The following SH3BGR variants were observed in gnomAD, a reference collection of about 807,000 sequenced individuals.
SH3BGR encodes SH3 domain binding glutamate rich protein, also known as SH3 domain-binding glutamic acid-rich protein.
Under a neutral mutation model 24.5 loss-of-function variants are expected in SH3BGR, and 29 were observed. That is an observed-to-expected ratio of 1.18 (90% CI 0.88 to 1.61). The LOEUF is 1.61. Ranked by LOEUF, SH3BGR falls within the 40% of genes most tolerant of loss-of-function variation. The pLI is 0.00. For missense variants in SH3BGR, 162 were observed against 205.8 expected, an observed-to-expected ratio of 0.79 and a Z score of 1.30; for synonymous variants, 55 against 65.7, an observed-to-expected ratio of 0.84 and a Z score of 0.79.
rs143867801 is a variant in SH3BGR, at chr21:39,494,251, C to CT, written c.313-5561dup. ...TCTTCCTCTTCTTCTTCTTCTTCTT[C>CT]TTTTTTTTTTTAAGTAGGAGGTAAT... is the stretch of plus-strand genomic sequence containing the variant. On this transcript the variant is annotated intron_variant, in intron 3 of 6. Coordinates refer to ENST00000333634, the MANE Select transcript of SH3BGR (RefSeq NM_007341.3). Among the ~76,000 whole-genome samples the CT allele has an allele frequency of 7.9e-5, 11 of 138,510 alleles. No individual in the cohort carries two copies. In the East Asian group the frequency reaches 1.6e-3, roughly 21 times the overall value. 90.9% of individuals were successfully genotyped at this position (138,510 alleles called of 152,430 possible).
At position 39,454,518 on chromosome 21, in the gene SH3BGR, G is replaced by A. The variant is rs562271332; in HGVS notation, c.45+2377G>A. Among the ~76,000 whole-genome samples the A allele has an allele frequency of 1.1e-4, 16 of 152,278 alleles. 1 individual carries two copies. In the South Asian group the frequency reaches 2.9e-3, roughly 28 times the overall value. ...GACCCTGGGGAGCAGGAGAGGGCGC[G>A]TGACTTCTTCTAGGACCCTCCTCTC... On this transcript the variant is annotated intron_variant, in intron 1 of 6. Transcript: ENST00000333634.
At chr21:39,484,715 G>A (rs1404150446) in intron 3 of SH3BGR, among the ~76,000 whole-genome samples, 1 of 152,232 alleles carries the variant, frequency 6.6e-6, no homozygotes, top group African/African-American at 2.4e-5. Context: ...AGGAGCTTAA[G>A]TGACTTGTAC....
At chr21:39,460,144 G>A (rs2077731323) in intron 1 of SH3BGR, among the ~76,000 whole-genome samples, 1 of 152,182 alleles carries the variant, frequency 6.6e-6, no homozygotes, top group African/African-American at 2.4e-5. Flanking sequence ...GTTCCCTTAG[G>A]TGTGGCTGCA....
At position 39,511,580 on chromosome 21, in the gene SH3BGR, G is replaced by A; in HGVS notation, c.436-100G>A. On this transcript the variant is annotated intron_variant, in intron 5 of 6. Transcript: ENST00000333634. The surrounding 1 kb of genome is among the most constrained non-coding windows in gnomAD (Gnocchi z 4.2). ...GTTTGTGTGTTGTGTGGTGGGGTGT[G>A]GGAGGCTTTGACCTCTAGTCCAGCA... 8.9e-7 allele frequency: 1 copy of A among 1,118,124 alleles called. No individual in the cohort carries two copies. Among genetic ancestry groups the A allele is most frequent in the South Asian group, 1.5e-5 (1 of 67,030 alleles). 69.3% of individuals were successfully genotyped at this position (1,118,124 alleles called of 1,614,324 possible).
chr21:39,474,295 A>G (rs1458584230), intron 2 of SH3BGR, among the ~76,000 whole-genome samples: 1 of 152,088 alleles, frequency 6.6e-6, no homozygotes, highest in African/African-American at 2.4e-5. Context: ...ATACACTAAG[A>G]GTAGGGTAGG....
chr21:39,505,487 A>G (rs916813655), intron 4 of SH3BGR, among the ~76,000 whole-genome samples: 1 of 152,118 alleles, frequency 6.6e-6, no homozygotes, highest in Non-Finnish European at 1.5e-5. Context: ...TAGGAGCCAG[A>G]TGCGGTGTCT....
At chr21:39,448,117 T>A (rs1323751848), upstream of SH3BGR, among the ~76,000 whole-genome samples, 1 of 152,174 alleles carries the variant, frequency 6.6e-6, no homozygotes, top group African/African-American at 2.4e-5. Context: ...CCCTGTCTTG[T>A]CTTCTTATAA....
chr21:39,475,027 G>C, intron 2 of SH3BGR, 108 bp from the exon 3 acceptor site: 1 of 652,044 alleles, frequency 1.5e-6, no homozygotes. Context: ...ATGACTTTTT[G>C]TGTGAGCTCC....
chr21:39,486,217 A>G (rs920878843), intron 3 of SH3BGR, among the ~76,000 whole-genome samples: 4 of 152,212 alleles, frequency 2.6e-5, no homozygotes. Flanking sequence ...ATTGCTTATA[A>G]TTTTCAAAAG....
Position 39,462,554 on chromosome 21 carries a change from C to G in SH3BGR, c.225C>G (p.Tyr75Ter). 6.4e-7 allele frequency: 1 copy of G among 1,559,286 alleles called. No individual in the cohort carries two copies. Among genetic ancestry groups the G allele is most frequent in the African/African-American group, 1.4e-5 (1 of 71,794 alleles). The change falls in exon 2 of 7, where the codon TAC (tyrosine) becomes TAG (stop). Residue 75 changes from tyrosine to a stop codon, truncating the protein, a stop_gained. Transcript: ENST00000333634. LOFTEE classifies it high-confidence loss of function. ...LPPQIFNEEQ[Y>*]CGDFDSFFSA... Reference sequence around the variant, plus strand: ...CCCAGATCTTCAATGAGGAGCAGTACTGTGGGGTGAGTATGTGCTTCTATT... The same window carrying G: ...CCCAGATCTTCAATGAGGAGCAGTAGTGTGGGGTGAGTATGTGCTTCTATT...
At chr21:39,512,525 G>T (rs1044475221) in intron 6 of SH3BGR, among the ~76,000 whole-genome samples, 1 of 152,192 alleles carries the variant, frequency 6.6e-6, no homozygotes, top group African/African-American at 2.4e-5. Flanking sequence ...CATTTATTAA[G>T]TGTTAATAAG....
Position 39,502,506 on chromosome 21 carries a change from T to C in SH3BGR, c.405+2591T>C, listed in dbSNP as rs183648068. On this transcript the variant is annotated intron_variant, in intron 4 of 6. Transcript: ENST00000333634. ...AACACGCTGCGGTGGATATAAAGTT[T>C]AGAATATTCGTGGGCCCACATTTGG... is the stretch of plus-strand genomic sequence containing the variant. Among the ~76,000 whole-genome samples, 179 of 152,288 alleles carry C rather than the reference T, an allele frequency of 1.2e-3. 1 individual carries two copies. The highest frequency in any genetic ancestry group is 2.0e-3 in the Non-Finnish European group (134 of 68,020).
intron 5 of SH3BGR, among the ~76,000 whole-genome samples, chr21:39,510,381 CACACACACACTGTAGCT>C (rs1440568888): frequency 4.4e-5 from 6 of 135,572 alleles, no homozygotes; most frequent in African/African-American, 1.1e-4. Flanking sequence ...CACACACACA[CACACACACACTGTAGCT>C]ACACACACAC....
chr21:39,471,732 G>T (rs1214092568), intron 2 of SH3BGR, among the ~76,000 whole-genome samples: 1 of 152,154 alleles, frequency 6.6e-6, no homozygotes, highest in Non-Finnish European at 1.5e-5. Flanking sequence ...AAAGTGCTGG[G>T]ATTATAGGCA....
chr21:39,495,417 A>G (rs1021125363), intron 3 of SH3BGR, among the ~76,000 whole-genome samples: 1 of 151,440 alleles, frequency 6.6e-6, no homozygotes, highest in Admixed American at 6.6e-5. Flanking sequence ...CAGCTATCCT[A>G]TTACTTAGGA....
At chr21:39,447,769 A>G (rs2077527632), upstream of SH3BGR, among the ~76,000 whole-genome samples, 1 of 152,096 alleles carries the variant, frequency 6.6e-6, no homozygotes, top group South Asian at 2.1e-4. Flanking sequence ...CAATGGAAGG[A>G]GAAGAGCCAT....
At chr21:39,475,523 G>T (rs1487052598) in intron 3 of SH3BGR, among the ~76,000 whole-genome samples, 1 of 152,034 alleles carries the variant, frequency 6.6e-6, no homozygotes, top group Non-Finnish European at 1.5e-5. Context: ...AAACATTTGA[G>T]CTCCTAGGTT....
At chr21:39,489,295 C>T (rs1007592659) in intron 3 of SH3BGR, among the ~76,000 whole-genome samples, 2 of 152,182 alleles carry the variant, frequency 1.3e-5, no homozygotes, top group Non-Finnish European at 2.9e-5. Context: ...AGGGTGCTGC[C>T]TGAGGACTAG....
intron 3 of SH3BGR, among the ~76,000 whole-genome samples, chr21:39,489,679 C>T (rs1451985553): frequency 2.0e-5 from 3 of 152,190 alleles, no homozygotes; most frequent in Non-Finnish European, 4.4e-5. Flanking sequence ...TTAGAAATCT[C>T]TGGGGAGCTG....
Sources: allele counts gnomAD v4.1 joint callset (sites outside exome capture counted in the v4.1 genomes callset), GRCh38; gene constraint gnomAD v4.1.1; non-coding constraint Gnocchi (gnomAD v3.1); transcripts MANE v1.5; gene names NCBI Gene and HGNC (gene_info 2026-07-23, HGNC 2026-07-21).